The following PCED1B variants were observed in gnomAD, a reference collection of about 807,000 sequenced individuals.
PCED1B encodes PC-esterase domain-containing protein 1B.
For synonymous variants in PCED1B, 251 were observed against 246.1 expected (o/e 1.02, Z -0.19); for missense variants, 573 against 573.9 (o/e 1.00, Z 0.02).
chr12:47,186,308 GAC>G (rs1158945623), intron 2 of PCED1B, among the ~76,000 whole-genome samples: 2 of 99,600 alleles, frequency 2.0e-5, no homozygotes, highest in East Asian at 6.8e-4. Context: ...AAAGGAAAAT[GAC>G]TTTGAGCTTC....
At chr12:47,181,568 T>C (rs1234525953) in intron 2 of PCED1B, among the ~76,000 whole-genome samples, 1 of 152,014 alleles carries the variant, frequency 6.6e-6, no homozygotes, top group Admixed American at 6.5e-5. Context: ...AGTTTCACCA[T>C]GTTGGCCAGG....
chr12:47,084,187 T>A (rs1937871729), intron 1 of PCED1B, among the ~76,000 whole-genome samples: 1 of 152,186 alleles, frequency 6.6e-6, no homozygotes, highest in Admixed American at 6.5e-5. Flanking sequence ...CACAGAACAC[T>A]TACACTAGCC....
At chr12:47,087,538 C>T (rs1179927005) in intron 1 of PCED1B, among the ~76,000 whole-genome samples, 1 of 152,104 alleles carries the variant, frequency 6.6e-6, no homozygotes, top group African/African-American at 2.4e-5. Context: ...TATGGTTGCT[C>T]TCCTCTAGGA....
At chr12:47,201,545 T>G (rs984720043) in intron 2 of PCED1B, among the ~76,000 whole-genome samples, 8 of 152,080 alleles carry the variant, frequency 5.3e-5, no homozygotes, top group African/African-American at 1.7e-4. Flanking sequence ...GGTTGGGCGT[T>G]ACAATACTGC....
At chr12:47,188,375 C>CT (rs1942341380) in intron 2 of PCED1B, among the ~76,000 whole-genome samples, 1 of 152,172 alleles carries the variant, frequency 6.6e-6, no homozygotes, top group African/African-American at 2.4e-5. Context: ...AGGGTGTTAG[C>CT]TGCAAATCTT....
intron 3 of PCED1B, among the ~76,000 whole-genome samples, chr12:47,227,195 G>A (rs539900970): frequency 5.9e-5 from 9 of 151,976 alleles, no homozygotes; most frequent in South Asian, 4.2e-4. Flanking sequence ...GCAGAGTCTC[G>A]CTCTGTCACC....
chr12:47,125,331 A>C (rs1939841216), intron 2 of PCED1B, among the ~76,000 whole-genome samples: 1 of 151,994 alleles, frequency 6.6e-6, no homozygotes, highest in Admixed American at 6.6e-5. Flanking sequence ...ATATGTGTGG[A>C]GATCCAGACT....
At chr12:47,223,709 G>C (rs546631806) in intron 3 of PCED1B, 1 of 152,280 alleles carries the variant, frequency 6.6e-6, no homozygotes, top group Non-Finnish European at 1.5e-5. Flanking sequence ...GGGAAGCGGG[G>C]TGAGGATTTG....
intron 3 of PCED1B, among the ~76,000 whole-genome samples, chr12:47,222,900 C>G (rs1480908505): frequency 6.6e-6 from 1 of 152,106 alleles, no homozygotes; most frequent in Non-Finnish European, 1.5e-5. Context: ...CCATCCAAAC[C>G]AGGACTCTTA....
intron 1 of PCED1B, among the ~76,000 whole-genome samples, chr12:47,098,317 G>T (rs74828461): frequency 6.6e-6 from 1 of 152,192 alleles, no homozygotes; most frequent in African/African-American, 2.4e-5. Context: ...AGCGAGGGCT[G>T]AGGTTGGTGC....
At chr12:47,139,904 T>C (rs1419174025) in intron 2 of PCED1B, among the ~76,000 whole-genome samples, 3 of 151,990 alleles carry the variant, frequency 2.0e-5, no homozygotes, top group Non-Finnish European at 4.4e-5. Flanking sequence ...GGTAGGTGTA[T>C]AGTATATAGT....
chr12:47,132,494 G>T (rs908048836), intron 2 of PCED1B, among the ~76,000 whole-genome samples: 3 of 152,132 alleles, frequency 2.0e-5, no homozygotes, highest in African/African-American at 7.2e-5. Context: ...AAGTTTGAAT[G>T]CAGTCTTTAC....
At chr12:47,103,022 T>A (rs1410427087) in intron 1 of PCED1B, among the ~76,000 whole-genome samples, 1 of 152,008 alleles carries the variant, frequency 6.6e-6, no homozygotes, top group Non-Finnish European at 1.5e-5. Flanking sequence ...TATGTCCAAG[T>A]AAGGGCACAG....
intron 2 of PCED1B, among the ~76,000 whole-genome samples, chr12:47,195,168 A>C (rs1171911222): frequency 6.6e-6 from 1 of 152,042 alleles, no homozygotes; most frequent in Admixed American, 6.6e-5. Context: ...GTCTCTTCTA[A>C]AAATACAAAA....
intron 2 of PCED1B, among the ~76,000 whole-genome samples, chr12:47,174,789 G>T (rs1941870285): frequency 6.6e-6 from 1 of 152,002 alleles, no homozygotes. Flanking sequence ...TAACTCCTGG[G>T]GTCAGAGAGA....
chr12:47,090,439 A>G (rs1031367884), intron 1 of PCED1B, among the ~76,000 whole-genome samples: 5 of 152,210 alleles, frequency 3.3e-5, no homozygotes, highest in East Asian at 1.9e-4. Context: ...GTTCTGTCCA[A>G]TCCTTCTGAT....
At position 47,217,470 on chromosome 12, in the gene PCED1B, G is replaced by GAGGAA. The variant is rs1292085211; in HGVS notation, c.-58+783_-58+784insGAAAG. Among the ~76,000 whole-genome samples, 69 of 90,918 alleles carry GAGGAA rather than the reference G, an allele frequency of 7.6e-4. 3 individuals carry two copies. The highest frequency in any genetic ancestry group is 2.8e-3 in the African/African-American group (56 of 20,146). The allele number at this position is 90,918 out of a possible 152,430, so 59.6% of individuals were successfully genotyped here. A position where few individuals can be genotyped will look rare whatever the true frequency, so the allele number is the denominator to read the frequency against. On this transcript the variant is annotated intron_variant, in intron 3 of 3. Coordinates refer to ENST00000546455, the MANE Select transcript of PCED1B (RefSeq NM_138371.3). The stretch of plus-strand genomic sequence containing the variant: ...AAAGAAAGAAAGAAAAAGAAAGAAA[G>GAGGAA]AGAAAGAAAGAAAGAAAGAAAGAAA...
At chr12:47,123,038 G>C (rs1483656114) in intron 2 of PCED1B, among the ~76,000 whole-genome samples, 1 of 152,112 alleles carries the variant, frequency 6.6e-6, no homozygotes, top group Non-Finnish European at 1.5e-5. Flanking sequence ...AAGCCTTTTA[G>C]GTTAGAACGA....
At chr12:47,201,106 G>A (rs1438781965) in intron 2 of PCED1B, among the ~76,000 whole-genome samples, 1 of 152,174 alleles carries the variant, frequency 6.6e-6, no homozygotes, top group Non-Finnish European at 1.5e-5. Context: ...CCGAAGAAGG[G>A]GCTAGATTTT....
Sources: gnomAD v4.1 joint callset for allele counts (sites outside exome capture counted in the v4.1 genomes callset) on GRCh38, gnomAD v4.1.1 for gene constraint, MANE v1.5 for transcripts, NCBI Gene and HGNC (gene_info 2026-07-23, HGNC 2026-07-21) for gene names.